Variants in LRIF1 observed in about 807,000 individuals in gnomAD.
LRIF1 encodes ligand dependent nuclear receptor interacting factor 1.
Under a neutral mutation model 52.7 loss-of-function variants are expected in LRIF1, and 32 were observed. The ratio of observed to expected loss-of-function variants is 0.61; its 90% CI spans 0.46 to 0.82. The LOEUF (loss-of-function observed/expected upper bound fraction) is 0.82, where lower values mean the gene tolerates loss of function less well. LRIF1 is among the 40% of genes least tolerant of loss of function. The pLI, the probability that LRIF1 is intolerant of heterozygous loss-of-function variation, is 0.00. For synonymous variants in LRIF1, 323 were observed against 317.4 expected, an observed-to-expected ratio of 1.02 and a Z score of -0.19; for missense variants, 887 against 892.0, an observed-to-expected ratio of 0.99 and a Z score of 0.07.
chr1:110,896,705 C>T, the LRIF1 span: 2 of 1,613,494 alleles, frequency 1.2e-6, no homozygotes, highest in Non-Finnish European at 1.7e-6. Context: ...GGCCCACCAG[C>T]ATCTTGCCCC....
intron 3 of LRIF1, among the ~76,000 whole-genome samples, 168 bp from the exon 4 acceptor site, chr1:110,948,567 AC>A (rs1658313855): frequency 6.6e-6 from 1 of 152,234 alleles, no homozygotes. Flanking sequence ...ACTGTATGGT[AC>A]CAAAATGTCT....
intron 1 of LRIF1, among the ~76,000 whole-genome samples, chr1:110,959,736 C>CAAAAA (rs11320169): frequency 8.9e-4 from 50 of 56,154 alleles, no homozygotes; most frequent in Non-Finnish European, 1.1e-3. Context: ...GACTCCATCT[C>CAAAAA]AAAAAAAAAA....
At chr1:110,960,096 CAGTCAAGAA>C (rs1052224043) in intron 1 of LRIF1, among the ~76,000 whole-genome samples, 64 of 152,066 alleles carry the variant, frequency 4.2e-4, no homozygotes, top group Non-Finnish European at 7.9e-4. Flanking sequence ...TCCTAATAAA[CAGTCAAGAA>C]AGTTATGAAC....
intron 3 of LRIF1, 59 bp downstream of exon 3, chr1:110,949,792 G>A: frequency 6.6e-7 from 1 of 1,513,766 alleles, no homozygotes; most frequent in South Asian, 1.3e-5. Context: ...ATCAAGAAAA[G>A]TAATATTCAT....
In LRIF1 at chr1:110,952,071, A is replaced by G; in HGVS notation, c.813T>C (p.Asn271=). The G allele has an allele frequency of 6.2e-7, 1 of 1,614,216 alleles. No individual in the cohort carries two copies. Among genetic ancestry groups the G allele is most frequent in the Non-Finnish European group, 8.5e-7 (1 of 1,180,032 alleles). ...VILNTTQIPK[N]VATETQLKGG... ...CTTTCAATTGTGTCTCTGTAGCAAC[A>G]TTCTTTGGAATTTGTGTGGTATTTA... is the stretch of plus-strand genomic sequence containing the variant. The change falls in exon 2 of 4, where the codon AAT becomes AAC. Residue 271 remains asparagine, a synonymous_variant. Coordinates refer to ENST00000369763, the MANE Select transcript of LRIF1 (RefSeq NM_018372.4).
chr1:110,940,989 C>A, the LRIF1 span: 1 of 151,990 alleles, frequency 6.6e-6, no homozygotes, highest in East Asian at 1.9e-4. Flanking sequence ...AACTGGATTT[C>A]TTGTAACACA....
the LRIF1 span, among the ~76,000 whole-genome samples, chr1:110,911,402 A>G: frequency 5.3e-5 from 8 of 152,304 alleles, no homozygotes; most frequent in East Asian, 9.6e-4. Flanking sequence ...AGAAAGATTC[A>G]CAGCTGAATT....
chr1:110,959,184 T>G (rs1423111859), intron 1 of LRIF1, among the ~76,000 whole-genome samples: 2 of 152,138 alleles, frequency 1.3e-5, no homozygotes, highest in East Asian at 3.9e-4. Context: ...GAAACTACAT[T>G]TGAAAAATAA....
At chr1:110,910,996 C>T in the LRIF1 span, among the ~76,000 whole-genome samples, 1 of 151,874 alleles carries the variant, frequency 6.6e-6, no homozygotes, top group Non-Finnish European at 1.5e-5. Context: ...AAGCAATAAC[C>T]AAAATCAGAG....
the LRIF1 span, among the ~76,000 whole-genome samples, chr1:110,933,141 C>T: frequency 1.3e-5 from 2 of 152,052 alleles, 1 homozygote; most frequent in African/African-American, 4.8e-5. Context: ...ATTTAATTAC[C>T]TTCTGACATC....
the LRIF1 span, among the ~76,000 whole-genome samples, chr1:110,931,170 T>G: frequency 6.6e-6 from 1 of 152,144 alleles, no homozygotes; most frequent in East Asian, 1.9e-4. Flanking sequence ...CTGTGTGATG[T>G]TCCCCTCTGT....
chr1:110,875,037 G>A, the LRIF1 span, among the ~76,000 whole-genome samples: 5 of 152,196 alleles, frequency 3.3e-5, no homozygotes, highest in Non-Finnish European at 7.3e-5. Context: ...TTCTATAATA[G>A]ATGGAGAACG....
At chr1:110,921,751 A>T in the LRIF1 span, among the ~76,000 whole-genome samples, 1 of 152,224 alleles carries the variant, frequency 6.6e-6, no homozygotes, top group African/African-American at 2.4e-5. Context: ...GCTATGGTTT[A>T]GACGTGCCTC....
the LRIF1 span, among the ~76,000 whole-genome samples, chr1:110,878,705 A>C: frequency 6.6e-6 from 1 of 152,218 alleles, no homozygotes; most frequent in Non-Finnish European, 1.5e-5. Context: ...TTCTCTACCA[A>C]ACACTTCCAT....
the LRIF1 span, among the ~76,000 whole-genome samples, chr1:110,890,678 T>A: frequency 2.8e-3 from 434 of 152,372 alleles, 2 homozygotes; most frequent in African/African-American, 0.01. Context: ...TGGACATTGA[T>A]GTCCTCACTA....
chr1:110,887,578 TA>T, the LRIF1 span, among the ~76,000 whole-genome samples: 1 of 152,246 alleles, frequency 6.6e-6, no homozygotes, highest in East Asian at 1.9e-4. Context: ...GCACTTAAGT[TA>T]CTTGGAAAGT....
At chr1:110,905,858 A>G in the LRIF1 span, among the ~76,000 whole-genome samples, 1 of 152,228 alleles carries the variant, frequency 6.6e-6, no homozygotes, top group South Asian at 2.1e-4. Context: ...AATAAGATAT[A>G]AGTAAAAACA....
chr1:110,907,347 T>C, the LRIF1 span, among the ~76,000 whole-genome samples: 1 of 152,172 alleles, frequency 6.6e-6, no homozygotes, highest in Non-Finnish European at 1.5e-5. Context: ...TTCTCAGAGA[T>C]TTTAGAAATG....
downstream of LRIF1, chr1:110,943,829 C>T (rs1314704397): frequency 6.6e-6 from 1 of 152,150 alleles, no homozygotes. Flanking sequence ...TTCTTCAGAT[C>T]TCAGTTCAAC....
Sources: gnomAD v4.1 joint callset for allele counts (sites outside exome capture counted in the v4.1 genomes callset) on GRCh38, gnomAD v4.1.1 for gene constraint, MANE v1.5 for transcripts, NCBI Gene and HGNC (gene_info 2026-07-23, HGNC 2026-07-21) for gene names.